The following TUBA1B variants were observed in gnomAD, a reference collection of about 807,000 sequenced individuals.
TUBA1B encodes the protein tubulin alpha-1B chain.
In TUBA1B, 1 loss-of-function variant was observed where a neutral mutation model predicts 34.4. The ratio of observed to expected loss-of-function variants is 0.03; its 90% CI spans 0.01 to 0.14. The LOEUF (loss-of-function observed/expected upper bound fraction) is 0.14. TUBA1B is among the 10% of genes least tolerant of loss of function. The probability of loss-of-function intolerance (pLI) is 1.00; values close to 1 mark genes in which losing one functional copy is unlikely to be tolerated. For synonymous variants in TUBA1B, 197 were observed against 212.5 expected (o/e 0.93, Z 0.64); for missense variants, 54 against 583.6 (o/e 0.09, Z 9.35).
intron 1 of TUBA1B, 183 bp from the exon 2 acceptor site, chr12:49,129,905 G>T (rs1289786501): frequency 8.5e-7 from 1 of 1,169,978 alleles, no homozygotes; most frequent in South Asian, 1.6e-5. Flanking sequence ...CTCAGCCTCT[G>T]GAGCAGCTGG....
At position 49,131,278 on chromosome 12, in the gene TUBA1B, G is replaced by GA. The variant is rs1339235150; in HGVS notation, c.3+19dup. On this transcript the variant is annotated intron_variant, in intron 1 of 3. Coordinates refer to ENST00000336023, the MANE Select transcript of TUBA1B (RefSeq NM_006082.3). ...TCCCTGCTTCCCTGAAAGCAGCCGG[G>GA]AGCCGCACGGCTTACTCACCATAGT... The GA allele has an allele frequency of 1.4e-5, 23 of 1,608,622 alleles. No homozygotes were observed. The highest frequency in any genetic ancestry group is 1.6e-5 in the Non-Finnish European group (19 of 1,177,798).
At chr12:49,129,444 T>A (rs1941776639) in intron 2 of TUBA1B, 54 bp from the exon 3 acceptor site, 3 of 1,613,786 alleles carry the variant, frequency 1.9e-6, no homozygotes, top group Non-Finnish European at 2.5e-6. Context: ...GAGAAGCCCC[T>A]GGACAGACCT....
chr12:49,130,196 A>T, intron 1 of TUBA1B: 2 of 1,264,892 alleles, frequency 1.6e-6, no homozygotes, highest in Non-Finnish European at 2.1e-6. Context: ...GAGGACCAAG[A>T]CAGGAAGGTG....
intron 1 of TUBA1B, chr12:49,130,161 A>G: frequency 3.5e-5 from 43 of 1,226,740 alleles, no homozygotes; most frequent in Non-Finnish European, 4.3e-5. Flanking sequence ...AGACCAAGAC[A>G]GCTCAGTCAC....
Position 49,129,621 on chromosome 12 carries a change from C to T in TUBA1B, c.105G>A (p.Gln35=), listed in dbSNP as rs112885821. The T allele has an allele frequency of 6.2e-6, 10 of 1,614,234 alleles. No individual in the cohort carries two copies. The African/African-American group carries it at 6.7e-5, about 11-fold the overall frequency. ...CLEHGIQPDG[Q]MPSDKTIGGG... ...CCCCAATGGTCTTGTCACTTGGCAT[C>T]TGGCCATCGGGCTGGATGCCGTGTT... Residue 35 remains glutamine, a synonymous_variant, in exon 2 of 4, where the codon CAG becomes CAA. Transcript: ENST00000336023.
At position 49,128,066 on chromosome 12, in the gene TUBA1B, G is replaced by A. The variant is rs141499311; in HGVS notation, c.1248C>T (p.Gly416=). 907 of 1,614,068 alleles carry A rather than the reference G, an allele frequency of 5.6e-4. 2 individuals carry two copies. The highest frequency in any genetic ancestry group is 3.9e-3 in the East Asian group (177 of 44,878). The change falls in exon 4 of 4, where the codon GGC becomes GGT. Residue 416 remains glycine (G), a synonymous_variant. Transcript: ENST00000336023. The surrounding 1 kb of genome is among the most constrained non-coding windows in gnomAD (Gnocchi z 8.1). ...TATCTTCACGGGCCTCTGAAAACTCGCCTTCCTCCATCCCCTCACCCACGT... is the reference window on the plus strand; with the variant it reads ...TATCTTCACGGGCCTCTGAAAACTCACCTTCCTCCATCCCCTCACCCACGT... The part of the protein sequence containing the change: ...HWYVGEGMEE[G]EFSEAREDMA...
Position 49,131,345 on chromosome 12 carries a change from G to T in TUBA1B, c.-45C>A. 2 of 1,608,240 alleles carry T rather than the reference G, an allele frequency of 1.2e-6. No homozygotes were observed. The highest frequency in any genetic ancestry group is 1.7e-6 in the Non-Finnish European group (2 of 1,177,428). On this transcript the variant is annotated 5_prime_UTR_variant, in exon 1 of 4. Coordinates refer to ENST00000336023, the MANE Select transcript of TUBA1B (RefSeq NM_006082.3). The stretch of plus-strand genomic sequence containing the variant: ...GCGAAGGCGACAGGAGCAGACACCG[G>T]GTCCCGGTTACCGTCCCCGACAAGC...
intron 3 of TUBA1B, 152 bp from the exon 4 acceptor site, chr12:49,129,090 G>A (rs1481443053): frequency 1.3e-6 from 2 of 1,539,410 alleles, no homozygotes; most frequent in African/African-American, 1.4e-5. Context: ...CCATAACCTA[G>A]GGACTATCTG....
chr12:49,127,788 T>A lies in TUBA1B; in HGVS notation c.*170A>T, dbSNP rs1941763268. On this transcript the variant is annotated 3_prime_UTR_variant, in exon 4 of 4. Coordinates refer to ENST00000336023, the MANE Select transcript of TUBA1B (RefSeq NM_006082.3). ...AAAACGCAGGAAACAAAGCTTTTGATGTTAATGACTTTACTTTGAGATATG... is the reference window on the plus strand; with the variant it reads ...AAAACGCAGGAAACAAAGCTTTTGAAGTTAATGACTTTACTTTGAGATATG... 5.6e-6 allele frequency: 6 copies of A among 1,073,942 alleles called. No individual in the cohort carries two copies. In the East Asian group the frequency reaches 1.5e-4, roughly 27 times the overall value. The allele number at this position is 1,073,942 out of a possible 1,614,324, so 66.5% of individuals were successfully genotyped here.
Position 49,127,941 on chromosome 12 carries a change from C to T in TUBA1B, c.*17G>A, listed in dbSNP as rs1456292317. The T allele has an allele frequency of 5.6e-6, 9 of 1,613,832 alleles. No individual in the cohort carries two copies. The highest frequency in any genetic ancestry group is 7.6e-6 in the Non-Finnish European group (9 of 1,179,884). ...TCTGGGAGCATGACATGCTGCAGGG[C>T]CAAAAGGAATGGATAATTAGTATTC... On this transcript the variant is annotated 3_prime_UTR_variant, in exon 4 of 4. Transcript: ENST00000336023.
chr12:49,129,993 G>A, intron 1 of TUBA1B: 1 of 1,012,280 alleles, frequency 9.9e-7, no homozygotes, highest in Non-Finnish European at 1.4e-6. Context: ...TGTTACCTAG[G>A]CTACTCACGT....
Position 49,131,362 on chromosome 12 carries a change from C to A in TUBA1B, c.-62G>T, listed in dbSNP as rs1279213449. 1.3e-6 allele frequency: 2 copies of A among 1,596,114 alleles called. No homozygotes were observed. The highest frequency in any genetic ancestry group is 1.7e-6 in the Non-Finnish European group (2 of 1,169,110). On this transcript the variant is annotated 5_prime_UTR_variant, in exon 1 of 4. Transcript: ENST00000336023. The stretch of plus-strand genomic sequence containing the variant: ...AGACACCGGGTCCCGGTTACCGTCC[C>A]CGACAAGCTAAGAGTCGAGGTAAGT...
chr12:49,130,373 G>A (rs777466903), intron 1 of TUBA1B: 2 of 1,288,502 alleles, frequency 1.6e-6, no homozygotes, highest in African/African-American at 1.5e-5. Context: ...GAGCAATTCC[G>A]GGCGCGCGCT....
rs1435651164 is a variant in TUBA1B at position 49,129,947 on chromosome 12, T to C, written c.4-225A>G. 12 of 1,027,744 alleles carry C rather than the reference T, an allele frequency of 1.2e-5. No homozygotes were observed. In the East Asian group the frequency reaches 2.9e-4, roughly 25 times the overall value. The allele number at this position is 1,027,744 out of a possible 1,614,324, so 63.7% of individuals were successfully genotyped here. On this transcript the variant is annotated intron_variant, in intron 1 of 3. Coordinates refer to ENST00000336023, the MANE Select transcript of TUBA1B (RefSeq NM_006082.3). ...AGGCACAGACCACCAAGCTGGCTAA[T>C]TTTTTCATTTTTTTTGTGGAGATGA...
At chr12:49,131,065 C>T (rs1237717842) in intron 1 of TUBA1B, 3 of 513,468 alleles carry the variant, frequency 5.8e-6, no homozygotes, top group Admixed American at 6.3e-5. Context: ...AGCCCCCCAT[C>T]CCTTCCAGAG....
rs748560936 is a variant in TUBA1B, at chr12:49,129,224, T to C, written c.375+18A>G. 2 of 1,613,346 alleles carry C rather than the reference T, an allele frequency of 1.2e-6. No homozygotes were observed. The highest frequency in any genetic ancestry group is 1.7e-5 in the Admixed American group (1 of 60,020). Reference sequence around the variant, plus strand: ...ACTATCACACCACATTAAATGCATATTTATATGTGGTGCTTACCAGCTTGC... The same window carrying C: ...ACTATCACACCACATTAAATGCATACTTATATGTGGTGCTTACCAGCTTGC... On this transcript the variant is annotated intron_variant, in intron 3 of 3. Transcript: ENST00000336023.
chr12:49,130,384 C>A, intron 1 of TUBA1B: 1 of 1,287,034 alleles, frequency 7.8e-7, no homozygotes, highest in Non-Finnish European at 1.0e-6. Flanking sequence ...GGCGCGCGCT[C>A]TTGCGCCCCC....
intron 3 of TUBA1B, 117 bp from the exon 4 acceptor site, chr12:49,129,055 C>A: frequency 6.6e-7 from 1 of 1,513,600 alleles, no homozygotes; most frequent in Non-Finnish European, 8.9e-7. Context: ...AAGGAATTGG[C>A]AAAACAGACA....
intron 1 of TUBA1B, chr12:49,130,130 A>G (rs1941784936): frequency 8.3e-7 from 1 of 1,199,602 alleles, no homozygotes; most frequent in Non-Finnish European, 1.1e-6. Flanking sequence ...TTCCCATCCT[A>G]AACCGGGAAG....
Sources: gnomAD v4.1 joint callset for allele counts on GRCh38, gnomAD v4.1.1 for gene constraint, Gnocchi (gnomAD v3.1) non-coding constraint, MANE v1.5 for transcripts, NCBI Gene and HGNC (gene_info 2026-07-23, HGNC 2026-07-21) for gene names.